MRPL4: variants seen among roughly 807,000 people sequenced by gnomAD.
MRPL4 encodes the protein mitochondrial ribosomal protein L4, also known as large ribosomal subunit protein uL4m.
A neutral mutation model predicts 34.1 loss-of-function variants in MRPL4; 34 were observed. The ratio of observed to expected loss-of-function variants is 1.00; its 90% CI spans 0.76 to 1.33. The LOEUF (loss-of-function observed/expected upper bound fraction) is 1.33, where lower values mean the gene tolerates loss of function less well. Among genes scored for constraint, MRPL4 ranks in the 40% most tolerant of loss-of-function variants. The pLI is 0.00. For synonymous variants in MRPL4, 196 were observed against 188.3 expected (o/e 1.04, Z -0.33); for missense variants, 402 against 434.6 (o/e 0.92, Z 0.67).
At chr19:10,257,600 A>AC (rs1164604484) in intron 5 of MRPL4, among the ~76,000 whole-genome samples, 1 of 152,136 alleles carries the variant, frequency 6.6e-6, no homozygotes, top group Non-Finnish European at 1.5e-5. Flanking sequence ...GAGGGCAGAC[A>AC]CCAACACATG....
intron 3 of MRPL4, 117 bp downstream of exon 3, chr19:10,252,818 GT>G (rs1211350165): frequency 2.2e-6 from 3 of 1,354,238 alleles, no homozygotes; most frequent in Non-Finnish European, 3.0e-6. Flanking sequence ...TACAGCCTCC[GT>G]TTCTCCACCT....
chr19:10,255,680 G>C (rs2039843853), intron 4 of MRPL4: 1 of 152,574 alleles, frequency 6.6e-6, no homozygotes, highest in Admixed American at 6.6e-5. Flanking sequence ...GGTCTGGCCA[G>C]TCCTCCCCCT....
intron 8 of MRPL4, chr19:10,259,033 A>G: frequency 7.2e-7 from 1 of 1,385,052 alleles, no homozygotes; most frequent in Non-Finnish European, 9.3e-7. Flanking sequence ...CAGGGGGCCA[A>G]GGCTGCAGTG....
chr19:10,256,259 G>A lies in MRPL4; in HGVS notation c.328-449G>A, dbSNP rs1447344460. 2.6e-5 allele frequency among the ~76,000 whole-genome samples: 4 copies of A among 151,796 alleles called. 1 individual carries two copies. Among genetic ancestry groups the A allele is most frequent in the South Asian group, 4.2e-4 (2 of 4,812 alleles). Reference sequence around the variant, plus strand: ...CGAGATCGCGCCACTGCACTCCAGCGTGGGCGACAGAGCGAGACTCCATCT... The same window carrying A: ...CGAGATCGCGCCACTGCACTCCAGCATGGGCGACAGAGCGAGACTCCATCT... On this transcript the variant is annotated intron_variant, in intron 4 of 8. Coordinates refer to ENST00000253099, the MANE Select transcript of MRPL4 (RefSeq NM_015956.3).
chr19:10,257,340 T>C (rs2039861680), intron 5 of MRPL4, among the ~76,000 whole-genome samples: 1 of 152,174 alleles, frequency 6.6e-6, no homozygotes, highest in African/African-American at 2.4e-5. Context: ...TCTTGAATGC[T>C]AACAAGATGA....
At position 10,260,044 on chromosome 19, in the gene MRPL4, A is replaced by T; in HGVS notation, c.*231A>T. 2.2e-6 allele frequency: 1 copy of T among 463,672 alleles called. No individual in the cohort carries two copies. Among genetic ancestry groups the T allele is most frequent in the Non-Finnish European group, 3.8e-6 (1 of 265,334 alleles). 28.7% of individuals were successfully genotyped at this position (463,672 alleles called of 1,614,324 possible). On this transcript the variant is annotated 3_prime_UTR_variant, in exon 9 of 9. Coordinates refer to ENST00000253099, the MANE Select transcript of MRPL4 (RefSeq NM_015956.3). ...TTAAAATAAATTGTATTTTTGAATC[A>T]AGGAGGATAAAGATAACTTCTCAGT...
chr19:10,258,887 G>C (rs2039879294), intron 8 of MRPL4: 2 of 1,476,632 alleles, frequency 1.4e-6, no homozygotes, highest in Admixed American at 4.7e-5. Context: ...TGTAATCCCA[G>C]TACTTTGGGA....
intron 3 of MRPL4, 113 bp from the exon 4 acceptor site, chr19:10,254,476 A>T: frequency 8.2e-7 from 1 of 1,222,454 alleles, no homozygotes. Context: ...TGAGGGGCAG[A>T]GGCAAATCGC....
At position 10,259,964 on chromosome 19, in the gene MRPL4, G is replaced by A. The variant is rs1404499491; in HGVS notation, c.*151G>A. 8.1e-6 allele frequency: 5 copies of A among 614,106 alleles called. No individual in the cohort carries two copies. In the South Asian group the frequency reaches 1.3e-4, roughly 16 times the overall value. 38.0% of individuals were successfully genotyped at this position (614,106 alleles called of 1,614,324 possible). On this transcript the variant is annotated 3_prime_UTR_variant, in exon 9 of 9. Transcript: ENST00000253099. ...GGAGCGGCCATCGCCATTGGGAAGG[G>A]GCGACTCCACGGAAAGCCCAGACGG...
chr19:10,259,227 C>G, intron 8 of MRPL4: 1 of 1,324,406 alleles, frequency 7.6e-7, no homozygotes, highest in Non-Finnish European at 9.6e-7. Context: ...CCACGCCCCT[C>G]GCTGGCTTCC....
chr19:10,259,124 A>AAAT, intron 8 of MRPL4: 1 of 1,274,826 alleles, frequency 7.8e-7, no homozygotes, highest in South Asian at 2.9e-5. Context: ...AAAAAAAAAA[A>AAAT]AGCTCCAAAG....
Position 10,258,234 on chromosome 19 carries a change from A to G in MRPL4, c.458A>G (p.His153Arg). 1.9e-6 allele frequency: 3 copies of G among 1,613,808 alleles called. No homozygotes were observed. Among genetic ancestry groups the G allele is most frequent in the East Asian group, 2.2e-5 (1 of 44,856 alleles). ...TCTGTCCCCGCAGGAGGTGTTGCCC[A>G]TGGCCCCCGGGGCCCCACAAGTTAC... ...SPLWRGGGVA[H>R]GPRGPTSYYY... is the part of the protein sequence containing the mutation. The change falls in exon 6 of 9, where the codon CAT becomes CGT. Residue 153 changes from histidine (H) to arginine (R), a missense_variant. By Grantham distance (29) the His-to-Arg change is conservative (BLOSUM62 0). Coordinates refer to ENST00000253099, the MANE Select transcript of MRPL4 (RefSeq NM_015956.3).
Position 10,258,600 on chromosome 19 carries a change from C to T in MRPL4, c.663-9C>T. On this transcript the variant is annotated splice_polypyrimidine_tract_variant and intron_variant, in intron 7 of 8. Coordinates refer to ENST00000253099, the MANE Select transcript of MRPL4 (RefSeq NM_015956.3). ...GGGTTCAACCCCCACTCCCTGGCCT[C>T]TCTTACAGAACACACGAGGAGATGC... is the stretch of plus-strand genomic sequence containing the variant. 1 of 1,614,212 alleles carries T rather than the reference C, an allele frequency of 6.2e-7. No homozygotes were observed. The highest frequency in any genetic ancestry group is 1.1e-5 in the South Asian group (1 of 91,088).
Position 10,258,292 on chromosome 19 carries a change from G to T in MRPL4, c.516G>T (p.Leu172=), listed in dbSNP as rs181228529. Residue 172 remains leucine, a synonymous_variant, in exon 6 of 9, where the codon CTG becomes CTT. Transcript: ENST00000253099. ...YYMLPMKVRA[L]GLKVALTVKL... Reference sequence around the variant, plus strand: ...TGCTGCCCATGAAGGTGCGGGCGCTGGGTCTCAAAGTGGCACTGACCGTCA... The same window carrying T: ...TGCTGCCCATGAAGGTGCGGGCGCTTGGTCTCAAAGTGGCACTGACCGTCA... 6.2e-7 allele frequency: 1 copy of T among 1,614,126 alleles called. No individual in the cohort carries two copies. The highest frequency in any genetic ancestry group is 8.5e-7 in the Non-Finnish European group (1 of 1,180,032).
Position 10,258,682 on chromosome 19 carries a change from G to A in MRPL4, c.736G>A (p.Val246Ile), listed in dbSNP as rs1368865977. The A allele has an allele frequency of 1.9e-6, 3 of 1,614,058 alleles. No individual in the cohort carries two copies. In the Admixed American group the frequency reaches 5.0e-5, roughly 27 times the overall value. The change falls in exon 8 of 9, where the codon GTT becomes ATT. Residue 246 changes from valine to isoleucine, a missense_variant. By Grantham distance (29) the Val-to-Ile change is conservative. Transcript: ENST00000253099. ...TAAGACCTTCAACTTGATCCCGGCT[G>A]TTGGTGAGCAAAGAGCCCAGGCCCC... ...RLKTFNLIPA[V>I]GLNVHSMLKH...
Position 10,252,456 on chromosome 19 carries a change from G to A in MRPL4, c.117G>A (p.Ala39=). The A allele has an allele frequency of 1.2e-6, 2 of 1,614,060 alleles. No individual in the cohort carries two copies. The highest frequency in any genetic ancestry group is 4.5e-5 in the East Asian group (2 of 44,878). Residue 39 remains alanine (A), a synonymous_variant, in exon 2 of 9, where the codon GCG becomes GCA. Coordinates refer to ENST00000253099, the MANE Select transcript of MRPL4 (RefSeq NM_015956.3). ...ARATENPEQV[A]SEGLPEPVLR... is the part of the protein sequence containing the mutation. Reference sequence around the variant, plus strand: ...CGACCGAGAACCCGGAGCAGGTGGCGAGCGAGGGTAAGGCAACCGGGGTGG... The same window carrying A: ...CGACCGAGAACCCGGAGCAGGTGGCAAGCGAGGGTAAGGCAACCGGGGTGG...
chr19:10,258,933 A>C (rs2039879616), intron 8 of MRPL4: 19 of 1,426,524 alleles, frequency 1.3e-5, no homozygotes, highest in Non-Finnish European at 1.7e-5. Context: ...TGAGGCTCCC[A>C]TCTGTACTAA....
In MRPL4 at chr19:10,252,228, C is replaced by A; in HGVS notation, c.-26C>A. 6.3e-7 allele frequency: 1 copy of A among 1,584,420 alleles called. No homozygotes were observed. The highest frequency in any genetic ancestry group is 8.6e-7 in the Non-Finnish European group (1 of 1,168,250). On this transcript the variant is annotated 5_prime_UTR_variant, in exon 1 of 9. Coordinates refer to ENST00000253099, the MANE Select transcript of MRPL4 (RefSeq NM_015956.3). ...CGCGAGGCTCCAGTGGCCTTGACCTCCCGCGGCGTGGGAGGCTGCGCGGCG... is the reference window on the plus strand; with the variant it reads ...CGCGAGGCTCCAGTGGCCTTGACCTACCGCGGCGTGGGAGGCTGCGCGGCG...
chr19:10,252,138 C>T (rs1302332426), upstream of MRPL4: 1 of 1,322,886 alleles, frequency 7.6e-7, no homozygotes, highest in Non-Finnish European at 1.0e-6. Flanking sequence ...GCACACCCCG[C>T]TTTCCAGCGC....
Sources: allele counts gnomAD v4.1 joint callset (sites outside exome capture counted in the v4.1 genomes callset), GRCh38; gene constraint gnomAD v4.1.1; transcripts MANE v1.5; gene names NCBI Gene and HGNC (gene_info 2026-07-23, HGNC 2026-07-21).